Variants in C10orf143 observed in about 807,000 individuals in gnomAD.
The protein encoded by C10orf143 is uncharacterized protein C10orf143.
intron 1 of C10orf143, among the ~76,000 whole-genome samples, chr10:130,097,995 A>G (rs1170698859): frequency 6.7e-6 from 1 of 148,636 alleles, no homozygotes; most frequent in Non-Finnish European, 1.5e-5. Flanking sequence ...TAAATTTACT[A>G]AAAACCACTT....
rs745724302 is a variant in C10orf143, at chr10:130,106,418, C to T, written c.69+4286G>A. On this transcript the variant is annotated intron_variant, in intron 1 of 3. Coordinates refer to ENST00000637128, the MANE Select transcript of C10orf143 (RefSeq NM_001355042.2). ...CTTTGAGAAGGCGGCAGCAGAAGCA[C>T]GAAGTTTGGAGGCAACCTGTGAAAA... 6 of 1,602,600 alleles carry T rather than the reference C, an allele frequency of 3.7e-6. No individual in the cohort carries two copies. The South Asian group carries it at 6.6e-5, about 18-fold the overall frequency.
intron 1 of C10orf143, among the ~76,000 whole-genome samples, chr10:130,102,968 T>C (rs1861581659): frequency 7.0e-6 from 1 of 142,300 alleles, no homozygotes; most frequent in East Asian, 2.1e-4. Flanking sequence ...GATGGACTTA[T>C]AATTGAGTCT....
chr10:130,070,713 C>T (rs1410455773), intron 3 of C10orf143, among the ~76,000 whole-genome samples: 2 of 152,078 alleles, frequency 1.3e-5, no homozygotes, highest in South Asian at 2.1e-4. Flanking sequence ...CAATGTTTCC[C>T]ATGCTTAAAA....
At chr10:130,088,245 G>A (rs1400320125) in intron 1 of C10orf143, among the ~76,000 whole-genome samples, 2 of 152,062 alleles carry the variant, frequency 1.3e-5, no homozygotes, top group Non-Finnish European at 2.9e-5. Flanking sequence ...TTAGCCAGGC[G>A]TGGTGGCACG....
chr10:130,091,110 G>A (rs1461256779), intron 1 of C10orf143, among the ~76,000 whole-genome samples: 1 of 152,196 alleles, frequency 6.6e-6, no homozygotes, highest in African/African-American at 2.4e-5. Flanking sequence ...CCTGGCCCCT[G>A]TGCCTCCTGA....
chr10:130,099,720 G>A (rs1861517122), intron 1 of C10orf143, among the ~76,000 whole-genome samples: 3 of 151,802 alleles, frequency 2.0e-5, no homozygotes, highest in African/African-American at 7.3e-5. Flanking sequence ...TGGAGACGGG[G>A]TTTCACCATG....
At chr10:130,063,342 AG>A (rs1407032390), downstream of C10orf143, among the ~76,000 whole-genome samples, 2 of 152,212 alleles carry the variant, frequency 1.3e-5, no homozygotes, top group Non-Finnish European at 2.9e-5. Flanking sequence ...GGAAAAGAGA[AG>A]AACAAACTAA....
intron 3 of C10orf143, among the ~76,000 whole-genome samples, chr10:130,068,869 G>A (rs140016321): frequency 8.6e-5 from 13 of 151,976 alleles, no homozygotes; most frequent in East Asian, 7.8e-4. Context: ...AAAAAAAAGC[G>A]AAGAAAAATG....
chr10:130,059,391 C>A (rs1860830261), downstream of C10orf143, among the ~76,000 whole-genome samples: 1 of 152,118 alleles, frequency 6.6e-6, no homozygotes, highest in African/African-American at 2.4e-5. Context: ...AAAACAGATT[C>A]AATGGCCTTA....
At chr10:130,062,984 C>T (rs548625873), downstream of C10orf143, among the ~76,000 whole-genome samples, 17 of 152,094 alleles carry the variant, frequency 1.1e-4, no homozygotes, top group South Asian at 3.3e-3. Context: ...CTCCCCACCA[C>T]ACAGATGGGA....
rs186460784 is a variant in C10orf143, at chr10:130,045,333, C to T, written c.298-9363G>A. Among the ~76,000 whole-genome samples, 8 of 152,344 alleles carry T rather than the reference C, an allele frequency of 5.3e-5. No individual in the cohort carries two copies. The East Asian group carries it at 1.2e-3, about 22-fold the overall frequency. On this transcript the variant is annotated intron_variant and NMD_transcript_variant, in intron 3 of 5. Coordinates refer to the C10orf143 transcript ENST00000643056. ...CTGAAATGCATTTCCTTCCCGACTCCGAGGTCCTGCTTCCAGAACCTTTGG... is the reference window on the plus strand; with the variant it reads ...CTGAAATGCATTTCCTTCCCGACTCTGAGGTCCTGCTTCCAGAACCTTTGG...
downstream of C10orf143, among the ~76,000 whole-genome samples, chr10:130,060,656 T>C (rs1860846387): frequency 1.3e-5 from 2 of 151,566 alleles, no homozygotes; most frequent in Admixed American, 1.3e-4. Flanking sequence ...ACCCCATCTC[T>C]ACTAAAAGTA....
At chr10:130,075,532 T>C (rs934110079) in intron 3 of C10orf143, among the ~76,000 whole-genome samples, 1 of 152,178 alleles carries the variant, frequency 6.6e-6, no homozygotes, top group Non-Finnish European at 1.5e-5. Context: ...TCTAGGTATA[T>C]TTCAAACAGA....
At chr10:130,105,427 T>G (rs988700332) in intron 1 of C10orf143, among the ~76,000 whole-genome samples, 5 of 152,136 alleles carry the variant, frequency 3.3e-5, no homozygotes, top group East Asian at 3.9e-4. Flanking sequence ...AGCAGTGTTG[T>G]GCTATAAATT....
At chr10:130,082,573 G>T (rs1861227060) in intron 1 of C10orf143, among the ~76,000 whole-genome samples, 1 of 152,190 alleles carries the variant, frequency 6.6e-6, no homozygotes, top group African/African-American at 2.4e-5. Flanking sequence ...CTTCCCTTTT[G>T]CTTGGTTCTC....
In C10orf143 at chr10:130,056,715, C is replaced by A. The variant is rs931281918; in HGVS notation, c.298-20745G>T. 9.2e-5 allele frequency among the ~76,000 whole-genome samples: 14 copies of A among 152,192 alleles called. No homozygotes were observed. The highest frequency in any genetic ancestry group is 1.8e-4 in the Non-Finnish European group (12 of 68,006). ...CATGCCATTCTCCTGCCTCAGCCTCCTGAGTAGCTGGGATTACAGGCACCC... is the reference window on the plus strand; with the variant it reads ...CATGCCATTCTCCTGCCTCAGCCTCATGAGTAGCTGGGATTACAGGCACCC... On this transcript the variant is annotated intron_variant and NMD_transcript_variant, in intron 3 of 5. Coordinates refer to the C10orf143 transcript ENST00000643056. The surrounding 1 kb of genome is among the most constrained non-coding windows in gnomAD (Gnocchi z 4.6).
intron 3 of C10orf143, chr10:130,068,612 A>AAAC (rs386372844): frequency 2.0e-4 from 3 of 14,696 alleles, no homozygotes; most frequent in Non-Finnish European, 3.6e-4. Context: ...ACTCCATCTC[A>AAAC]AAAAAAAAAA....
chr10:130,041,981 C>A (rs1345262976), intron 3 of C10orf143, among the ~76,000 whole-genome samples: 4 of 152,202 alleles, frequency 2.6e-5, no homozygotes, highest in African/African-American at 9.7e-5. Context: ...CCTAAGCACA[C>A]ATTCACATGC....
chr10:130,035,544 T>G (rs111653059), intron 4 of C10orf143, among the ~76,000 whole-genome samples: 2,576 of 152,304 alleles, frequency 0.017, 30 homozygotes, highest in Non-Finnish European at 0.028. Context: ...GCCCCTATGT[T>G]GTGGGGCATT....
Sources: allele counts gnomAD v4.1 joint callset (sites outside exome capture counted in the v4.1 genomes callset), GRCh38; gene constraint gnomAD v4.1.1; non-coding constraint Gnocchi (gnomAD v3.1); transcripts MANE v1.5; gene names NCBI Gene and HGNC (gene_info 2026-07-23, HGNC 2026-07-21).